Variants in MYOF observed in about 807,000 individuals in gnomAD.
The protein encoded by MYOF is fer-1-like 3, myoferlin.
Under a neutral mutation model 284.2 loss-of-function variants are expected in MYOF, and 244 were observed. The ratio of observed to expected loss-of-function variants is 0.86; its 90% CI spans 0.77 to 0.95. The LOEUF (loss-of-function observed/expected upper bound fraction) is 0.95, where lower values mean the gene tolerates loss of function less well. Ranked by LOEUF, MYOF falls within the 40% of genes least tolerant of loss-of-function variation. The probability of loss-of-function intolerance (pLI) is 0.00; values close to 1 mark genes in which losing one functional copy is unlikely to be tolerated. For missense variants in MYOF, 2,496 were observed against 2,560.6 expected, an observed-to-expected ratio of 0.97 and a Z score of 0.54; for synonymous variants, 904 against 919.7, an observed-to-expected ratio of 0.98 and a Z score of 0.31.
chr10:93,310,258 C>A, intron 52 of MYOF, 91 bp from the exon 53 acceptor site: 2 of 1,477,882 alleles, frequency 1.4e-6, no homozygotes, highest in South Asian at 2.5e-5. Flanking sequence ...AATAAAGAAT[C>A]ACATTAATAA....
intron 3 of MYOF, among the ~76,000 whole-genome samples, chr10:93,444,553 G>A (rs12243297): frequency 0.077 from 11,731 of 152,202 alleles, 1,496 homozygotes; most frequent in African/African-American, 0.27. Context: ...AAGGGCTTTG[G>A]AAGAATAAAA....
At chr10:93,407,574 C>CAA (rs545711304) in intron 7 of MYOF, among the ~76,000 whole-genome samples, 10 of 132,786 alleles carry the variant, frequency 7.5e-5, no homozygotes, top group African/African-American at 2.8e-4. Context: ...ACTAAAAATA[C>CAA]AAAAAAAAAA....
At chr10:93,334,546 C>G (rs746267303) in intron 41 of MYOF, among the ~76,000 whole-genome samples, 2 of 152,150 alleles carry the variant, frequency 1.3e-5, no homozygotes, top group Non-Finnish European at 2.9e-5. Context: ...AAGTCTTGTT[C>G]ATCACCCTAT....
chr10:93,336,357 C>A (rs1843606274), intron 40 of MYOF, among the ~76,000 whole-genome samples: 1 of 152,178 alleles, frequency 6.6e-6, no homozygotes, highest in South Asian at 2.1e-4. Context: ...GGAAAAATAA[C>A]TTGTGGCATA....
chr10:93,433,456 G>T (rs1182149143), intron 3 of MYOF, among the ~76,000 whole-genome samples: 1 of 150,814 alleles, frequency 6.6e-6, no homozygotes, highest in Admixed American at 6.7e-5. Flanking sequence ...GCCGCGCCTG[G>T]CCCAATATTT....
chr10:93,391,222 G>C (rs186567044), intron 17 of MYOF, among the ~76,000 whole-genome samples: 1 of 152,304 alleles, frequency 6.6e-6, no homozygotes, highest in African/African-American at 2.4e-5. Context: ...TTACCCCTTT[G>C]ACTTGTTTCA....
intron 20 of MYOF, among the ~76,000 whole-genome samples, chr10:93,380,775 C>T (rs1030817351): frequency 1.3e-5 from 2 of 152,194 alleles, no homozygotes; most frequent in Non-Finnish European, 2.9e-5. Flanking sequence ...TTCAGTGACA[C>T]GGTTAAGGTC....
intron 7 of MYOF, among the ~76,000 whole-genome samples, chr10:93,407,103 TA>T (rs1291778358): frequency 1.3e-5 from 2 of 152,080 alleles, no homozygotes; most frequent in Non-Finnish European, 2.9e-5. Context: ...AGGAGTGTTA[TA>T]AAAGAGGGCA....
Position 93,482,245 on chromosome 10 carries a change from G to T in MYOF, c.-51C>A, listed in dbSNP as rs537360101. On this transcript the variant is annotated 5_prime_UTR_variant, in exon 1 of 54. Transcript: ENST00000359263. ...TTCAGCAAACGAAGTGGAGACTAGG[G>T]CGCTGGAGCTCCGGGTCGCACCGCC... 2.7e-5 allele frequency: 40 copies of T among 1,469,556 alleles called. No individual in the cohort carries two copies. In the African/African-American group the frequency reaches 5.3e-4, roughly 20 times the overall value. 91.0% of individuals were successfully genotyped at this position (1,469,556 alleles called of 1,614,324 possible).
At chr10:93,408,766 A>T (rs1411468894) in intron 7 of MYOF, 21 bp downstream of exon 7, 1 of 1,613,988 alleles carries the variant, frequency 6.2e-7, no homozygotes, top group Non-Finnish European at 8.5e-7. Context: ...GAGCAGAAAC[A>T]TGCCCTCTCA....
At chr10:93,405,112 T>TA (rs1847492536) in intron 7 of MYOF, among the ~76,000 whole-genome samples, 1 of 142,738 alleles carries the variant, frequency 7.0e-6, no homozygotes, top group African/African-American at 3.0e-5. Flanking sequence ...TTTGGACATT[T>TA]GCTTTATCTC....
At chr10:93,374,740 T>C (rs1564660881) in intron 23 of MYOF, 23 bp downstream of exon 23, 1 of 1,606,952 alleles carries the variant, frequency 6.2e-7, no homozygotes, top group Non-Finnish European at 8.5e-7. Context: ...TCAGGTGACG[T>C]TTGTGTAGTT....
rs534352201 is a variant in MYOF, at chr10:93,329,946, A to T, written c.4812-112T>A. On this transcript the variant is annotated intron_variant, in intron 43 of 53. Coordinates refer to ENST00000359263, the MANE Select transcript of MYOF (RefSeq NM_013451.4). ...CTGTGTGTAGTATGGCTGCTGGAGG[A>T]CATCTGAGCAGGATAACCAGGGTGG... is the stretch of plus-strand genomic sequence containing the variant. The T allele has an allele frequency of 3.7e-5, 40 of 1,091,016 alleles. No homozygotes were observed. In the East Asian group the frequency reaches 9.6e-4, roughly 26 times the overall value. The allele number at this position is 1,091,016 out of a possible 1,614,324, so 67.6% of individuals were successfully genotyped here. A position where few individuals can be genotyped will look rare whatever the true frequency, so the allele number is the denominator to read the frequency against.
At chr10:93,314,324 T>C (rs1054751511) in intron 50 of MYOF, among the ~76,000 whole-genome samples, 1 of 152,132 alleles carries the variant, frequency 6.6e-6, no homozygotes, top group African/African-American at 2.4e-5. Flanking sequence ...CCTGACCTCA[T>C]GTGATCCACC....
At chr10:93,370,061 T>C (rs906674647) in intron 24 of MYOF, among the ~76,000 whole-genome samples, 2 of 152,190 alleles carry the variant, frequency 1.3e-5, no homozygotes, top group African/African-American at 4.8e-5. Context: ...ACATGGTATT[T>C]ATCTTCTTTA....
In MYOF at chr10:93,443,068, A is replaced by G. The variant is rs145357040; in HGVS notation, c.236+8982T>C. 2.8e-3 allele frequency among the ~76,000 whole-genome samples: 428 copies of G among 151,250 alleles called. 3 individuals carry two copies. Among genetic ancestry groups the G allele is most frequent in the African/African-American group, 9.6e-3 (398 of 41,506 alleles). On this transcript the variant is annotated intron_variant, in intron 3 of 53. Coordinates refer to ENST00000359263, the MANE Select transcript of MYOF (RefSeq NM_013451.4). ...TTCCAGCTACTCCAGAGGCTGAGGT[A>G]GGAGAATCACTTGAACCCGGAGGCG...
intron 4 of MYOF, among the ~76,000 whole-genome samples, chr10:93,431,024 C>CTTT (rs113713765): frequency 2.8e-4 from 33 of 117,848 alleles, no homozygotes; most frequent in East Asian, 1.2e-3. Flanking sequence ...TTTTTCTTTT[C>CTTT]TTTTTTTTTT....
intron 3 of MYOF, among the ~76,000 whole-genome samples, chr10:93,435,338 G>A (rs751802164): frequency 2.0e-4 from 30 of 152,190 alleles, no homozygotes; most frequent in Non-Finnish European, 3.7e-4. Context: ...CAGCACTACT[G>A]ACATTTTGAA....
chr10:93,372,948 G>T lies in MYOF; in HGVS notation c.2439C>A (p.Thr813=), dbSNP rs1399343509. The T allele has an allele frequency of 6.2e-7, 1 of 1,614,150 alleles. No individual in the cohort carries two copies. Among genetic ancestry groups the T allele is most frequent in the South Asian group, 1.1e-5 (1 of 91,088 alleles). ...TATGTACCTTCAGAAAGATGGTTTG[G>T]GTTTTCCCACAGTATTTTCCAGATG... ...ENASGKYCGK[T]QTIFLKYPQE... The change falls in exon 24 of 54, where the codon ACC becomes ACA. Residue 813 remains threonine (T), a synonymous_variant. Transcript: ENST00000359263.
Sources: allele counts gnomAD v4.1 joint callset (sites outside exome capture counted in the v4.1 genomes callset), GRCh38; gene constraint gnomAD v4.1.1; transcripts MANE v1.5; gene names NCBI Gene and HGNC (gene_info 2026-07-23, HGNC 2026-07-21).